The following ZNF704 variants were observed in gnomAD, a reference collection of about 807,000 sequenced individuals.
The protein encoded by ZNF704 is zinc finger protein 704.
Under a neutral mutation model 44.7 loss-of-function variants are expected in ZNF704, and 10 were observed. That is an observed-to-expected ratio of 0.22 (90% CI 0.14 to 0.38). The LOEUF (loss-of-function observed/expected upper bound fraction) is 0.38, where lower values mean the gene tolerates loss of function less well. ZNF704 is among the 10% of genes least tolerant of loss of function. The pLI, the probability that ZNF704 is intolerant of heterozygous loss-of-function variation, is 1.00. For synonymous variants in ZNF704, 211 were observed against 207.6 expected, an observed-to-expected ratio of 1.02 and a Z score of -0.14; for missense variants, 390 against 545.5, an observed-to-expected ratio of 0.71 and a Z score of 2.84.
At chr8:80,809,414 A>G (rs1171766932) in intron 2 of ZNF704, among the ~76,000 whole-genome samples, 1 of 152,214 alleles carries the variant, frequency 6.6e-6, no homozygotes, top group African/African-American at 2.4e-5. Context: ...TTACTCTTAG[A>G]AAAGGGCAGC....
At chr8:80,681,406 T>C (rs573883889) in intron 4 of ZNF704, among the ~76,000 whole-genome samples, 2 of 152,318 alleles carry the variant, frequency 1.3e-5, no homozygotes, top group Admixed American at 6.5e-5. Context: ...CACTGTATAA[T>C]TCCATTTACT....
Position 80,692,419 on chromosome 8 carries a change from T to C in ZNF704, c.325+585A>G, listed in dbSNP as rs1363940433. 2.6e-5 allele frequency among the ~76,000 whole-genome samples: 4 copies of C among 152,210 alleles called. No homozygotes were observed. The South Asian group carries it at 6.2e-4, about 24-fold the overall frequency. On this transcript the variant is annotated intron_variant, in intron 3 of 8. Transcript: ENST00000327835. ...CTGACACATAGTAATGCTTAATAAA[T>C]GCTAGCCACTAATATGGCTATGATT...
chr8:80,784,698 T>C (rs1807586395), intron 2 of ZNF704, among the ~76,000 whole-genome samples: 1 of 152,186 alleles, frequency 6.6e-6, no homozygotes, highest in South Asian at 2.1e-4. Context: ...GCTTGTCTTC[T>C]CCTTCGCTTG....
intron 1 of ZNF704, among the ~76,000 whole-genome samples, chr8:80,867,091 C>T (rs1029276568): frequency 1.3e-4 from 20 of 152,160 alleles, no homozygotes; most frequent in African/African-American, 4.1e-4. Flanking sequence ...GGCAAGTTTA[C>T]TATCAGCACC....
At position 80,635,092 on chromosome 8, in the gene ZNF704, T is replaced by C. The variant is rs539798442; in HGVS notation, c.*6274A>G. 3 of 152,240 alleles carry C rather than the reference T, an allele frequency of 2.0e-5. No individual in the cohort carries two copies. Among genetic ancestry groups the C allele is most frequent in the Admixed American group, 6.5e-5 (1 of 15,288 alleles). 9.4% of individuals were successfully genotyped at this position (152,240 alleles called of 1,614,324 possible). A position where few individuals can be genotyped will look rare whatever the true frequency, so the allele number is the denominator to read the frequency against. ...GCCCAACGGGTGTATGGCTGTTCTA[T>C]CTCAGCTTTGCTTTTGATGTTATCT... On this transcript the variant is annotated 3_prime_UTR_variant, in exon 9 of 9. Coordinates refer to ENST00000327835, the MANE Select transcript of ZNF704 (RefSeq NM_001033723.3).
chr8:80,686,362 G>A (rs1254343967), intron 4 of ZNF704, among the ~76,000 whole-genome samples: 4 of 152,124 alleles, frequency 2.6e-5, no homozygotes, highest in Non-Finnish European at 4.4e-5. Flanking sequence ...TTAATTAGAT[G>A]TCTTTTTTTT....
intron 5 of ZNF704, among the ~76,000 whole-genome samples, chr8:80,665,584 A>C (rs1818176660): frequency 6.6e-6 from 1 of 152,174 alleles, no homozygotes; most frequent in Non-Finnish European, 1.5e-5. Context: ...CACGTTCACT[A>C]TTTGGATGCT....
chr8:80,733,139 G>T (rs905321410), intron 2 of ZNF704, among the ~76,000 whole-genome samples: 5 of 151,996 alleles, frequency 3.3e-5, no homozygotes. Context: ...TTCAGTTTTT[G>T]AATTTTTCAG....
intron 4 of ZNF704, among the ~76,000 whole-genome samples, chr8:80,672,816 T>C (rs987979594): frequency 1.3e-5 from 2 of 152,090 alleles, no homozygotes; most frequent in Non-Finnish European, 2.9e-5. Context: ...GGGTACTATG[T>C]TCACTACCTG....
chr8:80,730,788 C>A (rs1385769956), intron 2 of ZNF704, among the ~76,000 whole-genome samples: 1 of 151,908 alleles, frequency 6.6e-6, no homozygotes, highest in Admixed American at 6.6e-5. Context: ...AAGTTAATCT[C>A]TGTAATGAAA....
chr8:80,830,775 T>TTTTTC (rs1808458794), intron 1 of ZNF704, among the ~76,000 whole-genome samples: 3 of 146,522 alleles, frequency 2.0e-5, no homozygotes, highest in Admixed American at 2.0e-4. Context: ...TTTTTTTTTT[T>TTTTTC]CAGATGGAGT....
intron 5 of ZNF704, 148 bp downstream of exon 5, chr8:80,670,355 G>A (rs1439580753): frequency 1.0e-5 from 6 of 587,246 alleles, no homozygotes; most frequent in South Asian, 2.4e-5. Flanking sequence ...TAGATGATCT[G>A]CAGTGGCCAT....
rs1817593124 is a variant in ZNF704, at chr8:80,631,930, T to G, written c.*9436A>C. Reference sequence around the variant, plus strand: ...AAACAAGAATGTCCCATCAGGGGCTTTGGAACTGAAAAAACATTAACAACA... The same window carrying G: ...AAACAAGAATGTCCCATCAGGGGCTGTGGAACTGAAAAAACATTAACAACA... On this transcript the variant is annotated 3_prime_UTR_variant, in exon 9 of 9. Transcript: ENST00000327835. 6.6e-6 allele frequency: 1 copy of G among 152,160 alleles called. No homozygotes were observed. Among genetic ancestry groups the G allele is most frequent in the African/African-American group, 2.4e-5 (1 of 41,422 alleles). 9.4% of individuals were successfully genotyped at this position (152,160 alleles called of 1,614,324 possible). A position where few individuals can be genotyped will look rare whatever the true frequency, so the allele number is the denominator to read the frequency against.
chr8:80,857,580 G>A (rs1051357080), intron 1 of ZNF704, among the ~76,000 whole-genome samples: 1 of 152,082 alleles, frequency 6.6e-6, no homozygotes, highest in Non-Finnish European at 1.5e-5. Context: ...GAGAAGAAAT[G>A]ACTTTGATCA....
At chr8:80,755,394 G>C (rs906309781) in intron 2 of ZNF704, among the ~76,000 whole-genome samples, 2 of 152,160 alleles carry the variant, frequency 1.3e-5, no homozygotes, top group African/African-American at 4.8e-5. Context: ...GGTGGAGATA[G>C]CAGTGAGCCG....
At chr8:80,742,326 A>T (rs1007901719) in intron 2 of ZNF704, among the ~76,000 whole-genome samples, 1 of 152,186 alleles carries the variant, frequency 6.6e-6, no homozygotes, top group African/African-American at 2.4e-5. Context: ...ACGAGGACAT[A>T]GTTTCCTCCC....
At chr8:80,802,489 C>G (rs574504649) in intron 2 of ZNF704, among the ~76,000 whole-genome samples, 2 of 152,314 alleles carry the variant, frequency 1.3e-5, no homozygotes, top group African/African-American at 4.8e-5. Context: ...AGCTTATCCA[C>G]CACAATCAAG....
At chr8:80,834,042 C>T (rs1272614561) in intron 1 of ZNF704, among the ~76,000 whole-genome samples, 1 of 151,966 alleles carries the variant, frequency 6.6e-6, no homozygotes, top group Non-Finnish European at 1.5e-5. Flanking sequence ...GTCAGAAATC[C>T]TACTAGCTGG....
At chr8:80,743,238 A>C (rs1181800795) in intron 2 of ZNF704, among the ~76,000 whole-genome samples, 1 of 151,768 alleles carries the variant, frequency 6.6e-6, no homozygotes, top group African/African-American at 2.4e-5. Context: ...AATAAAAAAA[A>C]AACAACTCCA....
Sources: allele counts gnomAD v4.1 joint callset (sites outside exome capture counted in the v4.1 genomes callset), GRCh38; gene constraint gnomAD v4.1.1; transcripts MANE v1.5; gene names NCBI Gene and HGNC (gene_info 2026-07-23, HGNC 2026-07-21).